The following FMR1 variants were observed in gnomAD, a reference collection of about 807,000 sequenced individuals.
FMR1 encodes fragile X messenger ribonucleoprotein 1.
In FMR1, 13 loss-of-function variants were observed where a neutral mutation model predicts 50.6. That is an observed-to-expected ratio of 0.26 (90% CI 0.17 to 0.41). FMR1 has a LOEUF of 0.41. Among genes scored for constraint, FMR1 ranks in the 10% least tolerant of loss-of-function variants. The pLI, the probability that FMR1 is intolerant of heterozygous loss-of-function variation, is 1.00. For missense variants in FMR1, 316 were observed against 491.3 expected (o/e 0.64, Z 3.37); for synonymous variants, 138 against 164.1 (o/e 0.84, Z 1.22).
chrX:147,912,090 C>CGGCGGCGGCGGCGGCGGCGGCGGA lies in FMR1; in HGVS notation c.-69_-68insGGAGGCGGCGGCGGCGGCGGCGGC, dbSNP rs1931665826. The CGGCGGCGGCGGCGGCGGCGGCGGA allele has an allele frequency of 7.9e-6, 4 of 507,029 alleles. No individual in the cohort carries two copies. The highest frequency in any genetic ancestry group is 9.8e-6 in the Non-Finnish European group (4 of 409,752). 41.8% of individuals were successfully genotyped at this position (507,029 alleles called of 1,213,427 possible). On this transcript the variant is annotated 5_prime_UTR_variant, in exon 1 of 17. Transcript: ENST00000370475. ...GCGGCGGCGGCGGCGGAGGCGGCGG[C>CGGCGGCGGCGGCGGCGGCGGCGGA]GGCGGCGGCGGCGGCGGCGGCTGGG...
intron 11 of FMR1, among the ~76,000 whole-genome samples, 188 bp from the exon 12 acceptor site, chrX:147,937,911 C>G (rs187535595): frequency 2.1e-4 from 24 of 111,999 alleles, no homozygotes; most frequent in African/African-American, 7.1e-4. Context: ...TATCGTAGCT[C>G]AAAATACACC....
intron 13 of FMR1, among the ~76,000 whole-genome samples, 200 bp from the exon 14 acceptor site, chrX:147,942,931 A>G (rs1335988726): frequency 8.9e-6 from 1 of 112,183 alleles, no homozygotes; most frequent in Admixed American, 9.5e-5. Context: ...AATTCTTGAC[A>G]TCAATAATCT....
intron 5 of FMR1, 105 bp from the exon 6 acceptor site, chrX:147,929,843 A>C: frequency 1.8e-6 from 1 of 563,152 alleles, no homozygotes; most frequent in Non-Finnish European, 2.9e-6. Context: ...TGCATAAATC[A>C]AATTTAATAT....
intron 12 of FMR1, 31 bp downstream of exon 12, chrX:147,938,192 T>G: frequency 9.5e-7 from 1 of 1,057,124 alleles, no homozygotes; most frequent in Non-Finnish European, 1.3e-6. Flanking sequence ...AAATACACTT[T>G]CAGTTTATAT....
chrX:147,931,616 A>G (rs1481509247), intron 7 of FMR1, among the ~76,000 whole-genome samples: 2 of 111,668 alleles, frequency 1.8e-5, no homozygotes, highest in Non-Finnish European at 3.8e-5. Context: ...CATTAATGGC[A>G]TGCTAGAACT....
chrX:147,916,877 A>G (rs945711356), intron 1 of FMR1, among the ~76,000 whole-genome samples: 9 of 111,523 alleles, frequency 8.1e-5, no homozygotes, highest in African/African-American at 2.6e-4. Context: ...AGCTGAGATT[A>G]CAGGCATGTG....
chrX:147,921,862 CTG>C, intron 1 of FMR1, 69 bp from the exon 2 acceptor site: 1 of 672,215 alleles, frequency 1.5e-6, no homozygotes, highest in Non-Finnish European at 2.4e-6. Context: ...TTTGGTATCA[CTG>C]TAAAATTTAA....
chrX:147,950,857 C>T lies in FMR1; in HGVS notation c.*2013C>T, dbSNP rs1557183629. On this transcript the variant is annotated 3_prime_UTR_variant, in exon 17 of 17. Coordinates refer to ENST00000370475, the MANE Select transcript of FMR1 (RefSeq NM_002024.6). ...CCACAGTGTACCATTAAAATATGCACTAAGTCTCTTTTTTACAAAGGCTGT... is the reference window on the plus strand; with the variant it reads ...CCACAGTGTACCATTAAAATATGCATTAAGTCTCTTTTTTACAAAGGCTGT... 1 of 310,751 alleles carries T rather than the reference C, an allele frequency of 3.2e-6. No individual in the cohort carries two copies. The highest frequency in any genetic ancestry group is 9.9e-5 in the East Asian group (1 of 10,134). The allele number at this position is 310,751 out of a possible 1,213,427, so 25.6% of individuals were successfully genotyped here.
In FMR1 at chrX:147,948,953, A is replaced by G; in HGVS notation, c.*109A>G. ...AATAGTAGGCAAGATGGCACAGGGC[A>G]TGAAATGAACACAAATTATGCTAAG... is the stretch of plus-strand genomic sequence containing the variant. On this transcript the variant is annotated 3_prime_UTR_variant, in exon 17 of 17. Transcript: ENST00000370475. 1.2e-6 allele frequency: 1 copy of G among 803,354 alleles called. No individual in the cohort carries two copies. Among genetic ancestry groups the G allele is most frequent in the Non-Finnish European group, 1.9e-6 (1 of 532,747 alleles). The allele number at this position is 803,354 out of a possible 1,213,427, so 66.2% of individuals were successfully genotyped here.
intron 15 of FMR1, 59 bp from the exon 16 acceptor site, chrX:147,945,475 A>G: frequency 1.1e-6 from 1 of 934,601 alleles, no homozygotes; most frequent in Admixed American, 2.2e-5. Context: ...GGAATAAAGA[A>G]CTTCCAGTAA....
At chrX:147,913,880 A>G (rs1557174533) in intron 1 of FMR1, 2 of 112,039 alleles carry the variant, frequency 1.8e-5, no homozygotes, top group African/African-American at 6.5e-5. Context: ...TAACTATAAT[A>G]CATATACATA....
chrX:147,945,605 G>A lies in FMR1; in HGVS notation c.1726G>A (p.Gly576Arg), dbSNP rs1557181811. The change falls in exon 16 of 17, where the codon GGA becomes AGA. Residue 576 changes from glycine (G) to arginine (R), a missense_variant. Coordinates refer to ENST00000370475, the MANE Select transcript of FMR1 (RefSeq NM_002024.6). Reference sequence around the variant, plus strand: ...AGAGGCTAAAGGAAGAACAACAGATGGATCCCTTCAGGTAAAACCTGTCTG... The same window carrying A: ...AGAGGCTAAAGGAAGAACAACAGATAGATCCCTTCAGGTAAAACCTGTCTG... ...PREAKGRTTD[G>R]SLQIRVDCNN... is the part of the protein sequence containing the mutation. 3 of 1,195,479 alleles carry A rather than the reference G, an allele frequency of 2.5e-6. No individual in the cohort carries two copies. The Admixed American group carries it at 6.5e-5, about 26-fold the overall frequency.
At position 147,945,515 on chromosome X, in the gene FMR1, T is replaced by G; in HGVS notation, c.1655-19T>G. On this transcript the variant is annotated intron_variant, in intron 15 of 16. Coordinates refer to ENST00000370475, the MANE Select transcript of FMR1 (RefSeq NM_002024.6). ...TTCAGAATCAGTAACTGTTGAACCT[T>G]TTGAAAATATTCTCATAGGAAACGA... 6.0e-6 allele frequency: 7 copies of G among 1,169,985 alleles called. No homozygotes were observed. The highest frequency in any genetic ancestry group is 8.2e-6 in the Non-Finnish European group (7 of 857,658).
Position 147,949,192 on chromosome X carries a change from T to G in FMR1, c.*348T>G. The stretch of plus-strand genomic sequence containing the variant: ...TTCACCAGTACATTCTCAGTTTTTC[T>G]TAATATATAGCATTTATGGTAATCA... On this transcript the variant is annotated 3_prime_UTR_variant, in exon 17 of 17. Coordinates refer to ENST00000370475, the MANE Select transcript of FMR1 (RefSeq NM_002024.6). 1 of 353,508 alleles carries G rather than the reference T, an allele frequency of 2.8e-6. No homozygotes were observed. 29.1% of individuals were successfully genotyped at this position (353,508 alleles called of 1,213,427 possible).
chrX:147,943,236 T>C lies in FMR1; in HGVS notation c.1381T>C (p.Tyr461His), dbSNP rs1557181275. ...AAATCGTACAGATAAGGAAAAAAGCTATGTGACTGATGATGGTCAAGGAAT... is the reference window on the plus strand; with the variant it reads ...AAATCGTACAGATAAGGAAAAAAGCCATGTGACTGATGATGGTCAAGGAAT... ...PPNRTDKEKS[Y>H]VTDDGQGMGR... The change falls in exon 14 of 17, where the codon TAT becomes CAT. Residue 461 changes from tyrosine to histidine, a missense_variant. Physicochemically the swap from Tyr to His is moderately conservative, Grantham distance 83. Coordinates refer to ENST00000370475, the MANE Select transcript of FMR1 (RefSeq NM_002024.6). 2.5e-6 allele frequency: 3 copies of C among 1,210,738 alleles called. No individual in the cohort carries two copies. In the Admixed American group the frequency reaches 6.5e-5, roughly 26 times the overall value.
chrX:147,924,159 A>G (rs192460880), intron 2 of FMR1, among the ~76,000 whole-genome samples: 15 of 111,553 alleles, frequency 1.3e-4, no homozygotes, highest in Admixed American at 6.7e-4. Context: ...AAATTTAGCA[A>G]TGAATGTATA....
intron 2 of FMR1, 138 bp from the exon 3 acceptor site, chrX:147,925,402 C>A: frequency 1.9e-6 from 1 of 536,592 alleles, no homozygotes; most frequent in East Asian, 3.5e-5. Context: ...TCAGCAAAAA[C>A]TGATGATTTT....
rs1176205419 is a variant in FMR1 at position 147,950,142 on chromosome X, G to C, written c.*1298G>C. On this transcript the variant is annotated 3_prime_UTR_variant, in exon 17 of 17. Coordinates refer to ENST00000370475, the MANE Select transcript of FMR1 (RefSeq NM_002024.6). Reference sequence around the variant, plus strand: ...ATGTGAAGGACCTTCACTCTAAGATGTTATATTTTTCTTAAAAAGTAACTC... The same window carrying C: ...ATGTGAAGGACCTTCACTCTAAGATCTTATATTTTTCTTAAAAAGTAACTC... 3.1e-6 allele frequency: 1 copy of C among 323,583 alleles called. No individual in the cohort carries two copies. The highest frequency in any genetic ancestry group is 5.9e-6 in the Non-Finnish European group (1 of 168,631). 26.7% of individuals were successfully genotyped at this position (323,583 alleles called of 1,213,427 possible). A position where few individuals can be genotyped will look rare whatever the true frequency, so the allele number is the denominator to read the frequency against.
At chrX:147,938,749 T>G (rs891616257) in intron 12 of FMR1, among the ~76,000 whole-genome samples, 5 of 111,807 alleles carry the variant, frequency 4.5e-5, no homozygotes, top group Non-Finnish European at 1.9e-5. Context: ...GACTCATGGA[T>G]TAAAAGCAAA....
Sources: gnomAD v4.1 joint callset for allele counts (sites outside exome capture counted in the v4.1 genomes callset) on GRCh38, gnomAD v4.1.1 for gene constraint, MANE v1.5 for transcripts, NCBI Gene and HGNC (gene_info 2026-07-23, HGNC 2026-07-21) for gene names.